The following COL25A1 variants were observed in gnomAD, a reference collection of about 807,000 sequenced individuals.
The protein encoded by COL25A1 is collagen type XXV alpha 1 chain.
Under a neutral mutation model 128.4 loss-of-function variants are expected in COL25A1, and 103 were observed. The ratio of observed to expected loss-of-function variants is 0.80; its 90% CI spans 0.68 to 0.94. COL25A1 has a LOEUF of 0.94. Among genes scored for constraint, COL25A1 ranks in the 40% least tolerant of loss-of-function variants. COL25A1 has a pLI of 0.00. For missense variants in COL25A1, 745 were observed against 840.0 expected, an observed-to-expected ratio of 0.89 and a Z score of 1.40; for synonymous variants, 279 against 277.2, an observed-to-expected ratio of 1.01 and a Z score of -0.06.
At chr4:109,071,975 G>T (rs1304377060) in intron 3 of COL25A1, among the ~76,000 whole-genome samples, 3 of 152,182 alleles carry the variant, frequency 2.0e-5, no homozygotes, top group African/African-American at 4.8e-5. Context: ...TATAAATCAT[G>T]CTGCTATAAA....
chr4:109,136,911 A>C (rs183087522), intron 3 of COL25A1, among the ~76,000 whole-genome samples: 175 of 152,320 alleles, frequency 1.1e-3, no homozygotes, highest in African/African-American at 3.5e-3. Context: ...CAACTGCCAC[A>C]TCCTCCTTTG....
intron 3 of COL25A1, among the ~76,000 whole-genome samples, chr4:109,265,558 T>TGTGA (rs1553970552): frequency 1.3e-5 from 2 of 149,626 alleles, no homozygotes; most frequent in African/African-American, 2.5e-5. Context: ...TGTGTGTGTG[T>TGTGA]GTGTGTGTGT....
At chr4:108,935,896 T>C (rs1042157902) in intron 11 of COL25A1, among the ~76,000 whole-genome samples, 3 of 152,160 alleles carry the variant, frequency 2.0e-5, no homozygotes, top group African/African-American at 7.2e-5. Flanking sequence ...CATTGTATAT[T>C]AGGATGCTGT....
chr4:109,015,646 GGAA>G (rs1757142033), intron 5 of COL25A1, among the ~76,000 whole-genome samples: 1 of 152,106 alleles, frequency 6.6e-6, no homozygotes, highest in African/African-American at 2.4e-5. Flanking sequence ...GGTACCAGCA[GGAA>G]GAAGAAGAAA....
At chr4:109,279,188 T>G (rs917022) in intron 3 of COL25A1, among the ~76,000 whole-genome samples, 14,146 of 152,174 alleles carry the variant, frequency 0.093, 766 homozygotes, top group East Asian at 0.23. Context: ...TTGTAACTGG[T>G]TCACAATTCT....
chr4:109,209,189 G>A (rs534657105), intron 3 of COL25A1, among the ~76,000 whole-genome samples: 2 of 152,132 alleles, frequency 1.3e-5, no homozygotes, highest in African/African-American at 4.8e-5. Context: ...AAAACAATGG[G>A]TTAAGGTGAA....
At chr4:109,147,586 G>C (rs1290573509) in intron 3 of COL25A1, among the ~76,000 whole-genome samples, 1 of 152,144 alleles carries the variant, frequency 6.6e-6, no homozygotes, top group Non-Finnish European at 1.5e-5. Context: ...GGAGGCCAGG[G>C]AGGGCAGATC....
intron 3 of COL25A1, among the ~76,000 whole-genome samples, chr4:109,200,679 T>G (rs1291238379): frequency 6.6e-6 from 1 of 152,172 alleles, no homozygotes; most frequent in Non-Finnish European, 1.5e-5. Context: ...CTCCAACTCT[T>G]GAGCTCAAGT....
At position 108,939,210 on chromosome 4, in the gene COL25A1, A is replaced by T. The variant is rs548583766; in HGVS notation, c.672+1329T>A. On this transcript the variant is annotated intron_variant, in intron 10 of 37. Coordinates refer to ENST00000399132, the MANE Select transcript of COL25A1 (RefSeq NM_198721.4). ...CACTGTATTTCTGTTGGCAACCAGC[A>T]ATCAATGGGAGAGCTTTAAATATCC... Among the ~76,000 whole-genome samples the T allele has an allele frequency of 3.9e-5, 6 of 152,350 alleles. No homozygotes were observed. In the South Asian group the frequency reaches 1.2e-3, roughly 32 times the overall value.
At chr4:108,954,357 T>C (rs73838508) in intron 8 of COL25A1, among the ~76,000 whole-genome samples, 1,525 of 152,294 alleles carry the variant, frequency 0.01, 30 homozygotes, top group African/African-American at 0.035. Context: ...ACATTTTTTA[T>C]ATTAAATAGT....
chr4:109,126,647 T>C (rs1252933751), intron 3 of COL25A1, among the ~76,000 whole-genome samples: 2 of 152,220 alleles, frequency 1.3e-5, no homozygotes, highest in Non-Finnish European at 2.9e-5. Context: ...AAATATTAGA[T>C]AACCTGATAA....
At chr4:109,118,437 C>A (rs551971829) in intron 3 of COL25A1, among the ~76,000 whole-genome samples, 1 of 151,992 alleles carries the variant, frequency 6.6e-6, no homozygotes, top group East Asian at 1.9e-4. Context: ...ACAACATATA[C>A]ATGTAACACT....
chr4:109,235,010 T>TA (rs111898186), intron 3 of COL25A1, among the ~76,000 whole-genome samples: 8 of 151,324 alleles, frequency 5.3e-5, no homozygotes, highest in Non-Finnish European at 8.9e-5. Flanking sequence ...TTACTATATT[T>TA]AAAAAAAAAC....
At chr4:109,153,727 C>CT (rs1484291000) in intron 3 of COL25A1, among the ~76,000 whole-genome samples, 1 of 152,210 alleles carries the variant, frequency 6.6e-6, no homozygotes, top group Non-Finnish European at 1.5e-5. Context: ...TCAACTAACA[C>CT]TGACTTTTAT....
chr4:108,938,969 A>T (rs192899939), intron 10 of COL25A1, among the ~76,000 whole-genome samples: 38 of 152,364 alleles, frequency 2.5e-4, no homozygotes, highest in Non-Finnish European at 4.4e-4. Flanking sequence ...AATTTGTCCT[A>T]TGTGTAGAAA....
chr4:109,122,966 T>C (rs1226878465), intron 3 of COL25A1, among the ~76,000 whole-genome samples: 2 of 152,074 alleles, frequency 1.3e-5, no homozygotes. Context: ...TCAGCACTAA[T>C]CATGCCAGAT....
At chr4:108,994,984 G>A (rs550463525) in intron 6 of COL25A1, among the ~76,000 whole-genome samples, 9 of 152,208 alleles carry the variant, frequency 5.9e-5, no homozygotes, top group African/African-American at 2.2e-4. Flanking sequence ...AAAGACCAAA[G>A]GTAGATAAAA....
chr4:109,051,952 G>C (rs182541282), intron 3 of COL25A1, among the ~76,000 whole-genome samples: 20 of 152,230 alleles, frequency 1.3e-4, no homozygotes, highest in African/African-American at 4.1e-4. Context: ...GGAAATACCA[G>C]AGGGAAATTA....
Position 109,177,560 on chromosome 4 carries a change from A to G in COL25A1, c.367+123023T>C, listed in dbSNP as rs72670379. Among the ~76,000 whole-genome samples, 1,074 of 152,226 alleles carry G rather than the reference A, an allele frequency of 7.1e-3. 2 individuals are homozygous for G. Among genetic ancestry groups the G allele is most frequent in the Non-Finnish European group, 0.012 (834 of 68,006 alleles). On this transcript the variant is annotated intron_variant, in intron 3 of 37. Transcript: ENST00000399132. ...AACTTTTAGACCAAATACAGTGGGC[A>G]CCATCTGCTATCAATACAGCCTATA...
Sources: gnomAD v4.1 joint callset for allele counts (sites outside exome capture counted in the v4.1 genomes callset) on GRCh38, gnomAD v4.1.1 for gene constraint, MANE v1.5 for transcripts, NCBI Gene and HGNC (gene_info 2026-07-23, HGNC 2026-07-21) for gene names.